Variants in ZNF385D observed in about 807,000 individuals in gnomAD.
ZNF385D encodes zinc finger protein 385D.
A neutral mutation model predicts 35.8 loss-of-function variants in ZNF385D; 15 were observed. The observed-to-expected ratio is 0.42, with a 90% confidence interval of 0.28 to 0.64. The LOEUF (loss-of-function observed/expected upper bound fraction) is 0.64, where lower values mean the gene tolerates loss of function less well. ZNF385D is among the 30% of genes least tolerant of loss of function. The probability of loss-of-function intolerance (pLI) is 0.23; values close to 1 mark genes in which losing one functional copy is unlikely to be tolerated. For missense variants in ZNF385D, 474 were observed against 494.6 expected, an observed-to-expected ratio of 0.96 and a Z score of 0.39; for synonymous variants, 212 against 186.8, an observed-to-expected ratio of 1.13 and a Z score of -1.10.
rs534593335 is a variant in ZNF385D, at chr3:22,360,374, C to T, written c.106+12076G>A. 2.0e-5 allele frequency among the ~76,000 whole-genome samples: 3 copies of T among 151,994 alleles called. No homozygotes were observed. The South Asian group carries it at 6.2e-4, about 32-fold the overall frequency. On this transcript the variant is annotated intron_variant, in intron 2 of 5. Coordinates refer to the ZNF385D transcript ENST00000494108. ...CAGTTTGTATGCACACATTATACTCCCATCCATACACAGACGCACTCATGA... is the reference window on the plus strand; with the variant it reads ...CAGTTTGTATGCACACATTATACTCTCATCCATACACAGACGCACTCATGA...
At chr3:22,302,265 T>C (rs1232025118) in intron 2 of ZNF385D, among the ~76,000 whole-genome samples, 1 of 152,048 alleles carries the variant, frequency 6.6e-6, no homozygotes, top group Non-Finnish European at 1.5e-5. Context: ...ACTCCACATC[T>C]TCATCAACAC....
intron 2 of ZNF385D, among the ~76,000 whole-genome samples, chr3:22,250,251 G>A (rs1213139376): frequency 6.6e-6 from 1 of 151,910 alleles, no homozygotes; most frequent in East Asian, 1.9e-4. Flanking sequence ...TTCCTTGAGT[G>A]GGTTGTATTC....
intron 3 of ZNF385D, among the ~76,000 whole-genome samples, chr3:22,158,743 G>T (rs1475264883): frequency 6.6e-6 from 1 of 151,842 alleles, no homozygotes; most frequent in African/African-American, 2.4e-5. Context: ...AAACACGGTG[G>T]TTAAGAGAAG....
intron 3 of ZNF385D, among the ~76,000 whole-genome samples, chr3:21,765,191 A>C (rs2070773217): frequency 6.6e-6 from 1 of 151,766 alleles, no homozygotes; most frequent in African/African-American, 2.4e-5. Flanking sequence ...TAATCTCCTC[A>C]TACACATAAA....
intron 3 of ZNF385D, among the ~76,000 whole-genome samples, chr3:22,020,118 T>A (rs1160829818): frequency 2.0e-5 from 3 of 151,882 alleles, no homozygotes; most frequent in Admixed American, 6.6e-5. Context: ...CATTAGTATA[T>A]GGACGCTCAG....
At chr3:21,622,680 G>T (rs1232915337) in intron 2 of ZNF385D, among the ~76,000 whole-genome samples, 1 of 152,030 alleles carries the variant, frequency 6.6e-6, no homozygotes, top group Non-Finnish European at 1.5e-5. Context: ...TATAGTTCAA[G>T]AAGTCTTATT....
chr3:21,812,873 C>CTGAGAATGGACAGAGTGCCTCCTCA (rs1218389904), intron 3 of ZNF385D, among the ~76,000 whole-genome samples: 12 of 152,208 alleles, frequency 7.9e-5, no homozygotes, highest in Non-Finnish European at 2.9e-5. Flanking sequence ...AGTTTGAGAT[C>CTGAGAATGGACAGAGTGCCTCCTCA]TGAGAATGGA....
chr3:22,083,221 C>A (rs952214010), intron 3 of ZNF385D, among the ~76,000 whole-genome samples: 2 of 152,286 alleles, frequency 1.3e-5, no homozygotes, highest in South Asian at 2.1e-4. Flanking sequence ...CAAAGCTGGA[C>A]GGAGAATGAC....
chr3:21,809,130 A>G (rs1013401599), intron 3 of ZNF385D, among the ~76,000 whole-genome samples: 61 of 152,232 alleles, frequency 4.0e-4, no homozygotes, highest in African/African-American at 1.4e-3. Flanking sequence ...AAAACACACA[A>G]AGTACCAAGA....
intron 3 of ZNF385D, among the ~76,000 whole-genome samples, chr3:22,111,335 T>C (rs1231708349): frequency 1.3e-5 from 2 of 151,932 alleles, no homozygotes; most frequent in Middle Eastern, 3.4e-3. Flanking sequence ...TTACTAAATA[T>C]GTATGAGAGC....
chr3:21,967,855 A>G (rs1285285905), intron 3 of ZNF385D, among the ~76,000 whole-genome samples: 1 of 152,220 alleles, frequency 6.6e-6, no homozygotes, highest in African/African-American at 2.4e-5. Flanking sequence ...CCTCTACAGG[A>G]GCACCAAATT....
At chr3:22,299,350 C>T (rs1161658108) in intron 2 of ZNF385D, among the ~76,000 whole-genome samples, 4 of 151,748 alleles carry the variant, frequency 2.6e-5, no homozygotes, top group Non-Finnish European at 2.9e-5. Flanking sequence ...TGTAACTTTA[C>T]TCTAGGCCCT....
intron 3 of ZNF385D, among the ~76,000 whole-genome samples, chr3:22,070,556 T>C (rs1576263414): frequency 6.6e-6 from 1 of 152,206 alleles, no homozygotes; most frequent in East Asian, 1.9e-4. Context: ...TAGGACACAC[T>C]GTGATGAAAG....
Position 21,594,507 on chromosome 3 carries a change from A to G in ZNF385D, c.166-29823T>C, listed in dbSNP as rs185085738. ...TGGAGAATGGCTTCAGCCTGATCCC[A>G]CAAGGGCTGGAAACAAAAGTACATC... On this transcript the variant is annotated intron_variant, in intron 2 of 7. Coordinates refer to ENST00000281523, the MANE Select transcript of ZNF385D (RefSeq NM_024697.3). 2.9e-4 allele frequency among the ~76,000 whole-genome samples: 44 copies of G among 152,276 alleles called. No homozygotes were observed. The East Asian group carries it at 6.4e-3, about 22-fold the overall frequency.
intron 2 of ZNF385D, among the ~76,000 whole-genome samples, chr3:22,192,775 G>A (rs1696146901): frequency 6.6e-6 from 1 of 152,076 alleles, no homozygotes; most frequent in Non-Finnish European, 1.5e-5. Context: ...AAGACCCTAA[G>A]AAGATGGGGG....
At chr3:21,603,764 C>G (rs6772744) in intron 2 of ZNF385D, among the ~76,000 whole-genome samples, 58,568 of 151,860 alleles carry the variant, frequency 0.39, 14,447 homozygotes, top group African/African-American at 0.7. Context: ...TGGTGGGAGT[C>G]ATGGGAGATT....
At chr3:21,894,264 T>C (rs897564551) in intron 3 of ZNF385D, among the ~76,000 whole-genome samples, 2 of 152,176 alleles carry the variant, frequency 1.3e-5, no homozygotes, top group Admixed American at 1.3e-4. Flanking sequence ...AATAATCCAC[T>C]GTCACAAATA....
At chr3:21,638,064 C>T (rs1283806450) in intron 2 of ZNF385D, among the ~76,000 whole-genome samples, 1 of 152,026 alleles carries the variant, frequency 6.6e-6, no homozygotes, top group Non-Finnish European at 1.5e-5. Context: ...TAATACTGGT[C>T]ATTACATTGT....
In ZNF385D at chr3:21,614,652, G is replaced by A. The variant is rs531941435; in HGVS notation, c.166-49968C>T. Among the ~76,000 whole-genome samples, 405 of 152,224 alleles carry A rather than the reference G, an allele frequency of 2.7e-3. 2 individuals are homozygous for A. The highest frequency in any genetic ancestry group is 4.3e-3 in the Non-Finnish European group (294 of 68,002). On this transcript the variant is annotated intron_variant, in intron 2 of 7. Transcript: ENST00000281523. ...GTCACAAGCTGGAGTGCAGTGGCAC[G>A]ATCTCGGCTCACTACAACCTCTGCC...
Sources: gnomAD v4.1 joint callset for allele counts (sites outside exome capture counted in the v4.1 genomes callset) on GRCh38, gnomAD v4.1.1 for gene constraint, MANE v1.5 for transcripts, NCBI Gene and HGNC (gene_info 2026-07-23, HGNC 2026-07-21) for gene names.